The following PDE1A variants were observed in gnomAD, a reference collection of about 807,000 sequenced individuals.
PDE1A encodes dual specificity calcium/calmodulin-dependent 3',5'-cyclic nucleotide phosphodiesterase 1A.
Under a neutral mutation model 61.7 loss-of-function variants are expected in PDE1A, and 35 were observed. The ratio of observed to expected loss-of-function variants is 0.57; its 90% CI spans 0.43 to 0.75. The LOEUF is 0.75. Ranked by LOEUF, PDE1A falls within the 30% of genes least tolerant of loss-of-function variation. The pLI is 0.00. For missense variants in PDE1A, 597 were observed against 630.6 expected, an observed-to-expected ratio of 0.95 and a Z score of 0.57; for synonymous variants, 232 against 213.2, an observed-to-expected ratio of 1.09 and a Z score of -0.77.
intron 2 of PDE1A, among the ~76,000 whole-genome samples, chr2:182,521,519 G>A (rs530046738): frequency 6.6e-6 from 1 of 152,054 alleles, no homozygotes; most frequent in South Asian, 2.1e-4. Context: ...GTGTGGTGCT[G>A]AAACACTAAA....
chr2:182,645,015 T>C, the PDE1A span, among the ~76,000 whole-genome samples: 5 of 146,202 alleles, frequency 3.4e-5, no homozygotes, highest in Admixed American at 1.4e-4. Flanking sequence ...AGACTGAGTC[T>C]CGCTCTGTTG....
chr2:182,432,238 A>C (rs758109376), intron 2 of PDE1A, among the ~76,000 whole-genome samples: 1 of 152,074 alleles, frequency 6.6e-6, no homozygotes, highest in Non-Finnish European at 1.5e-5. Context: ...ATAAAATGTT[A>C]AGTTATTTAA....
chr2:182,221,759 CAGACTTATATA>C (rs1688747992), intron 7 of PDE1A, among the ~76,000 whole-genome samples: 1 of 152,002 alleles, frequency 6.6e-6, no homozygotes, highest in South Asian at 2.1e-4. Flanking sequence ...GCTGTGGGAG[CAGACTTATATA>C]AGAACTGGAT....
At chr2:182,201,401 A>G (rs1188260451) in intron 10 of PDE1A, 38 bp downstream of exon 10, 2 of 1,610,360 alleles carry the variant, frequency 1.2e-6, no homozygotes, top group Non-Finnish European at 1.7e-6. Context: ...CACAGTCACT[A>G]TTTCCAAAAA....
intron 1 of PDE1A, among the ~76,000 whole-genome samples, chr2:182,417,980 G>T (rs746690782): frequency 2.6e-5 from 4 of 152,074 alleles, no homozygotes; most frequent in African/African-American, 9.7e-5. Flanking sequence ...TATTATAGTG[G>T]TGTTTAGGAG....
the PDE1A span, among the ~76,000 whole-genome samples, chr2:182,543,724 T>C: frequency 6.6e-6 from 1 of 152,180 alleles, no homozygotes; most frequent in African/African-American, 2.4e-5. Flanking sequence ...CAATTTATCT[T>C]TCAAGGTCAG....
At chr2:182,374,967 A>G (rs2125269940) in intron 1 of PDE1A, among the ~76,000 whole-genome samples, 1 of 152,308 alleles carries the variant, frequency 6.6e-6, no homozygotes, top group South Asian at 2.1e-4. Flanking sequence ...GAGGATGCAA[A>G]AGTGGAAACC....
the PDE1A span, among the ~76,000 whole-genome samples, chr2:182,643,045 T>G: frequency 6.6e-6 from 1 of 152,160 alleles, no homozygotes; most frequent in African/African-American, 2.4e-5. Flanking sequence ...CACATCCTCC[T>G]CTTAAAGAAT....
At position 182,472,952 on chromosome 2, in the gene PDE1A, T is replaced by TC. The variant is rs1475500766; in HGVS notation, c.101+49323_101+49324insG. 4.0e-5 allele frequency among the ~76,000 whole-genome samples: 6 copies of TC among 151,684 alleles called. No homozygotes were observed. The East Asian group carries it at 1.2e-3, about 29-fold the overall frequency. ...TTAAAAATTTTATTAATTTTTTTTT[T>TC]TTAAATTTTTTATTTTATTGTTATT... On this transcript the variant is annotated intron_variant, in intron 2 of 14. Coordinates refer to the PDE1A transcript ENST00000410103.
At chr2:182,482,501 C>T (rs1432024500) in intron 2 of PDE1A, among the ~76,000 whole-genome samples, 6 of 151,716 alleles carry the variant, frequency 4.0e-5, no homozygotes, top group African/African-American at 1.5e-4. Flanking sequence ...GGATCACAAA[C>T]AGTCTCCACA....
chr2:182,407,819 G>A lies in PDE1A; in HGVS notation c.53+18759C>T, dbSNP rs116418699. Among the ~76,000 whole-genome samples the A allele has an allele frequency of 3.7e-3, 568 of 152,190 alleles. 2 individuals carry two copies. The highest frequency in any genetic ancestry group is 0.013 in the African/African-American group (536 of 41,506). ...GGGAGACTAGCCAATAATTGGAAAC[G>A]CCCTGAAAGTTTCTCCCATGAAGAA... On this transcript the variant is annotated intron_variant, in intron 1 of 13. Transcript: ENST00000351439.
At chr2:182,401,018 TA>T (rs1701971294) in intron 1 of PDE1A, among the ~76,000 whole-genome samples, 1 of 152,052 alleles carries the variant, frequency 6.6e-6, no homozygotes. Flanking sequence ...TCTGATTCAG[TA>T]AAAAACCTGT....
the PDE1A span, among the ~76,000 whole-genome samples, chr2:182,589,650 G>A: frequency 6.6e-6 from 1 of 152,110 alleles, no homozygotes; most frequent in Non-Finnish European, 1.5e-5. Flanking sequence ...TTCCTGTCAG[G>A]GAAACGAGTA....
the PDE1A span, among the ~76,000 whole-genome samples, chr2:182,667,405 C>A: frequency 6.6e-6 from 1 of 152,148 alleles, no homozygotes; most frequent in Non-Finnish European, 1.5e-5. Context: ...ATCAGGGAAC[C>A]CATCACAATG....
At chr2:182,306,677 T>C (rs1334160581) in intron 1 of PDE1A, among the ~76,000 whole-genome samples, 2 of 152,116 alleles carry the variant, frequency 1.3e-5, no homozygotes, top group Admixed American at 6.6e-5. Flanking sequence ...TTACAGTCAA[T>C]TGATTTTTGA....
At chr2:182,685,253 T>G in the PDE1A span, among the ~76,000 whole-genome samples, 1 of 151,940 alleles carries the variant, frequency 6.6e-6, no homozygotes, top group African/African-American at 2.4e-5. Context: ...ACTAAAGAAA[T>G]AAAATAATCC....
intron 2 of PDE1A, among the ~76,000 whole-genome samples, chr2:182,250,357 T>C (rs1559252546): frequency 1.3e-5 from 2 of 152,194 alleles, no homozygotes; most frequent in African/African-American, 4.8e-5. Flanking sequence ...CAGGACACTT[T>C]GAAGTACAAT....
chr2:182,215,038 A>AAAAG (rs1337163419), intron 7 of PDE1A, among the ~76,000 whole-genome samples: 3 of 88,442 alleles, frequency 3.4e-5, no homozygotes, highest in Non-Finnish European at 6.7e-5. Context: ...CAGCAAATGT[A>AAAAG]AAAGAACAGA....
chr2:182,293,529 A>G (rs1271488302), intron 1 of PDE1A, among the ~76,000 whole-genome samples: 2 of 152,126 alleles, frequency 1.3e-5, no homozygotes, highest in Non-Finnish European at 2.9e-5. Flanking sequence ...TGAACTAATT[A>G]TCACATGCAA....
Sources: gnomAD v4.1 joint callset for allele counts (sites outside exome capture counted in the v4.1 genomes callset) on GRCh38, gnomAD v4.1.1 for gene constraint, MANE v1.5 for transcripts, NCBI Gene and HGNC (gene_info 2026-07-23, HGNC 2026-07-21) for gene names.